The following GLCE variants were observed in gnomAD, a reference collection of about 807,000 sequenced individuals.
GLCE encodes D-glucuronyl C5-epimerase.
A neutral mutation model predicts 47.9 loss-of-function variants in GLCE; 19 were observed. The observed-to-expected ratio is 0.40, with a 90% CI of 0.28 to 0.58. GLCE has a LOEUF of 0.58. Among genes scored for constraint, GLCE ranks in the 20% least tolerant of loss-of-function variants. GLCE has a pLI of 0.48. For missense variants in GLCE, 556 were observed against 743.3 expected (o/e 0.75, Z 2.93); for synonymous variants, 245 against 263.4 (o/e 0.93, Z 0.68).
chr15:69,215,414 T>C (rs183925392), intron 2 of GLCE, among the ~76,000 whole-genome samples: 214 of 152,324 alleles, frequency 1.4e-3, no homozygotes, highest in African/African-American at 4.2e-3. Context: ...AGTTTATACC[T>C]TTTTGTTGCT....
chr15:69,216,212 T>C (rs1258537642), intron 2 of GLCE, among the ~76,000 whole-genome samples: 8 of 152,178 alleles, frequency 5.3e-5, no homozygotes, highest in Non-Finnish European at 1.5e-5. Flanking sequence ...CTGCTAGTGC[T>C]GAAGATTGGC....
chr15:69,202,362 T>A (rs1484015692), intron 1 of GLCE, among the ~76,000 whole-genome samples: 1 of 152,146 alleles, frequency 6.6e-6, no homozygotes, highest in Non-Finnish European at 1.5e-5. Context: ...TCAATATGGC[T>A]TTTCTGAGAT....
At chr15:69,231,450 A>G (rs902375200) in intron 2 of GLCE, among the ~76,000 whole-genome samples, 1 of 151,756 alleles carries the variant, frequency 6.6e-6, no homozygotes, top group South Asian at 2.1e-4. Flanking sequence ...TGCCCGGCTA[A>G]TTTTTTGTTG....
At chr15:69,180,211 T>G (rs1002682431) in intron 1 of GLCE, among the ~76,000 whole-genome samples, 42 of 152,194 alleles carry the variant, frequency 2.8e-4, no homozygotes, top group Non-Finnish European at 1.5e-5. Flanking sequence ...CCTTTTAGTA[T>G]AGTCTTAATA....
chr15:69,205,326 T>C (rs926852089), intron 1 of GLCE, among the ~76,000 whole-genome samples: 8 of 152,158 alleles, frequency 5.3e-5, no homozygotes, highest in Admixed American at 1.3e-4. Context: ...TGTATTGATA[T>C]TTTATTCCTT....
intron 2 of GLCE, among the ~76,000 whole-genome samples, chr15:69,242,608 T>C (rs2052686944): frequency 6.6e-6 from 1 of 152,184 alleles, no homozygotes; most frequent in African/African-American, 2.4e-5. Flanking sequence ...TTGATTAATT[T>C]AGTGCTTTGA....
At chr15:69,221,862 CAAA>C (rs35986310) in intron 2 of GLCE, among the ~76,000 whole-genome samples, 28 of 87,404 alleles carry the variant, frequency 3.2e-4, no homozygotes, top group Middle Eastern at 6.0e-3. Flanking sequence ...GACGCTGTCT[CAAA>C]AAAAAAAAAA....
At position 69,268,398 on chromosome 15, in the gene GLCE, T is replaced by C. The variant is rs1307137757; in HGVS notation, c.1008T>C (p.Asp336=). 2 of 1,613,982 alleles carry C rather than the reference T, an allele frequency of 1.2e-6. No homozygotes were observed. The highest frequency in any genetic ancestry group is 1.7e-6 in the Non-Finnish European group (2 of 1,179,868). ...AGCTAATTGCTTTTAAAGAAAGAGA[T>C]ATATACTATGGCATTGGGCCCAGAA... ...NAQLIAFKER[D]IYYGIGPRTS... The change falls in exon 5 of 5, where the codon GAT becomes GAC. Residue 336 remains aspartate (D), a synonymous_variant. Transcript: ENST00000261858.
intron 2 of GLCE, among the ~76,000 whole-genome samples, chr15:69,228,189 TG>T: frequency 6.6e-6 from 1 of 152,306 alleles, no homozygotes; most frequent in East Asian, 1.9e-4. Flanking sequence ...TATAGCACTG[TG>T]AGGAACTATA....
At chr15:69,199,222 A>G (rs2052042045) in intron 1 of GLCE, among the ~76,000 whole-genome samples, 1 of 152,168 alleles carries the variant, frequency 6.6e-6, no homozygotes, top group African/African-American at 2.4e-5. Flanking sequence ...TTCAGGAGCT[A>G]AGCAAAACCA....
intron 2 of GLCE, among the ~76,000 whole-genome samples, chr15:69,250,679 C>T (rs773626923): frequency 6.6e-6 from 1 of 151,732 alleles, no homozygotes; most frequent in Non-Finnish European, 1.5e-5. Context: ...GGTCATCATA[C>T]TGATGGCAAA....
chr15:69,178,018 G>A (rs1311307571), intron 1 of GLCE, among the ~76,000 whole-genome samples: 5 of 152,058 alleles, frequency 3.3e-5, no homozygotes, highest in South Asian at 2.1e-4. Flanking sequence ...GAGCATTTGG[G>A]TTATTTACAG....
At chr15:69,238,718 G>T (rs1388676325) in intron 2 of GLCE, among the ~76,000 whole-genome samples, 1 of 152,058 alleles carries the variant, frequency 6.6e-6, no homozygotes, top group East Asian at 1.9e-4. Flanking sequence ...TGCCATACAG[G>T]TAACAAAACC....
chr15:69,204,354 C>T (rs1306438065), intron 1 of GLCE, among the ~76,000 whole-genome samples: 1 of 143,534 alleles, frequency 7.0e-6, no homozygotes, highest in Non-Finnish European at 1.5e-5. Flanking sequence ...ACGATCTCAG[C>T]TCACTACAAC....
At chr15:69,221,383 GAT>G (rs1347581311) in intron 2 of GLCE, among the ~76,000 whole-genome samples, 1 of 152,040 alleles carries the variant, frequency 6.6e-6, no homozygotes, top group African/African-American at 2.4e-5. Context: ...ATGAACATGC[GAT>G]ATGTTTCTAT....
At chr15:69,180,620 G>A (rs1031392039) in intron 1 of GLCE, among the ~76,000 whole-genome samples, 1 of 152,186 alleles carries the variant, frequency 6.6e-6, no homozygotes, top group African/African-American at 2.4e-5. Context: ...CCAAGTCTCT[G>A]AGGTTGGAGC....
chr15:69,264,092 G>A (rs2053051668), intron 4 of GLCE, among the ~76,000 whole-genome samples: 1 of 151,988 alleles, frequency 6.6e-6, no homozygotes, highest in Non-Finnish European at 1.5e-5. Flanking sequence ...TCACCATGCT[G>A]TACATCAGAC....
chr15:69,256,652 A>T (rs914338220), intron 3 of GLCE, among the ~76,000 whole-genome samples: 2 of 152,214 alleles, frequency 1.3e-5, no homozygotes, highest in African/African-American at 4.8e-5. Flanking sequence ...CTCACCAGTA[A>T]GGTAAAGGCA....
intron 1 of GLCE, among the ~76,000 whole-genome samples, chr15:69,161,865 G>C (rs1246419112): frequency 6.6e-6 from 1 of 151,780 alleles, no homozygotes; most frequent in Non-Finnish European, 1.5e-5. Flanking sequence ...CAGGTTGAGC[G>C]TGGATACAGC....
Sources: gnomAD v4.1 joint callset for allele counts (sites outside exome capture counted in the v4.1 genomes callset) on GRCh38, gnomAD v4.1.1 for gene constraint, MANE v1.5 for transcripts, NCBI Gene and HGNC (gene_info 2026-07-23, HGNC 2026-07-21) for gene names.